DPP10: variants seen among roughly 807,000 people sequenced by gnomAD.
DPP10 encodes the protein dipeptidyl peptidase like 10.
DPP10 carries 33 observed loss-of-function variants against 120.9 expected under a neutral mutation model. The observed-to-expected ratio is 0.27, with a 90% CI of 0.21 to 0.37. The LOEUF (loss-of-function observed/expected upper bound fraction) is 0.37, where lower values mean the gene tolerates loss of function less well. Among genes scored for constraint, DPP10 ranks in the 10% least tolerant of loss-of-function variants. DPP10 has a pLI of 1.00. For missense variants in DPP10, 816 were observed against 942.8 expected (o/e 0.87, Z 1.76); for synonymous variants, 337 against 326.1 (o/e 1.03, Z -0.36).
chr2:115,507,687 A>G (rs969321515), intron 4 of DPP10, among the ~76,000 whole-genome samples: 7 of 152,140 alleles, frequency 4.6e-5, no homozygotes, highest in Non-Finnish European at 8.8e-5. Context: ...TTGTAGGTCA[A>G]GGTTTTATTT....
At chr2:115,699,461 A>T (rs893413330) in intron 7 of DPP10, among the ~76,000 whole-genome samples, 1 of 152,042 alleles carries the variant, frequency 6.6e-6, no homozygotes, top group African/African-American at 2.4e-5. Context: ...GATTAGCTGG[A>T]TGTGTTGGCA....
chr2:114,534,619 T>C (rs959814890), intron 1 of DPP10, among the ~76,000 whole-genome samples: 1 of 152,218 alleles, frequency 6.6e-6, no homozygotes, highest in African/African-American at 2.4e-5. Context: ...TATTTTTACA[T>C]AGTTACTTAT....
chr2:114,521,415 G>T (rs1291098757), intron 1 of DPP10, among the ~76,000 whole-genome samples: 1 of 151,974 alleles, frequency 6.6e-6, no homozygotes, highest in African/African-American at 2.4e-5. Flanking sequence ...TAGCATCCAT[G>T]AGCATAGAAG....
chr2:115,586,218 A>G lies in DPP10; in HGVS notation c.441+60246A>G, dbSNP rs549697482. Among the ~76,000 whole-genome samples the G allele has an allele frequency of 1.2e-3, 186 of 152,186 alleles. 1 individual carries two copies. The highest frequency in any genetic ancestry group is 8.1e-3 in the South Asian group (39 of 4,828). ...TTGCATGCCTGTAATCCCAACTACTAGGAGGGGCTGAGGCAGGAGAATTGT... is the reference window on the plus strand; with the variant it reads ...TTGCATGCCTGTAATCCCAACTACTGGGAGGGGCTGAGGCAGGAGAATTGT... On this transcript the variant is annotated intron_variant, in intron 5 of 25. Coordinates refer to ENST00000410059, the MANE Select transcript of DPP10 (RefSeq NM_020868.6).
At chr2:114,785,162 G>A (rs1004025510) in intron 1 of DPP10, among the ~76,000 whole-genome samples, 3 of 152,044 alleles carry the variant, frequency 2.0e-5, no homozygotes, top group African/African-American at 7.2e-5. Context: ...TTCTATTTTT[G>A]AGAACTGTGT....
intron 1 of DPP10, among the ~76,000 whole-genome samples, chr2:114,693,966 G>A (rs549620152): frequency 1.5e-4 from 23 of 151,950 alleles, no homozygotes; most frequent in Admixed American, 9.2e-4. Context: ...GTGTGTGTAC[G>A]ATGAACCCAA....
At chr2:114,700,882 C>T (rs1259100512) in intron 1 of DPP10, among the ~76,000 whole-genome samples, 2 of 152,072 alleles carry the variant, frequency 1.3e-5, no homozygotes, top group African/African-American at 4.8e-5. Context: ...TGTGCCTTTC[C>T]TATTCGTCTT....
intron 1 of DPP10, among the ~76,000 whole-genome samples, chr2:114,522,601 G>T (rs730259): frequency 2.6e-5 from 4 of 151,990 alleles, no homozygotes; most frequent in African/African-American, 9.7e-5. Flanking sequence ...ATCAGCAACT[G>T]GGGGAAGCAG....
chr2:115,612,750 A>G (rs1223267537), intron 5 of DPP10, among the ~76,000 whole-genome samples: 6 of 152,168 alleles, frequency 3.9e-5, no homozygotes, highest in Non-Finnish European at 7.4e-5. Flanking sequence ...GCTCTCATAA[A>G]GCTGTATTAA....
chr2:114,616,157 C>T (rs891221470), intron 1 of DPP10, among the ~76,000 whole-genome samples: 2 of 152,182 alleles, frequency 1.3e-5, no homozygotes, highest in Non-Finnish European at 2.9e-5. Flanking sequence ...ACTGGATTAT[C>T]GCTTGTAACT....
intron 1 of DPP10, among the ~76,000 whole-genome samples, chr2:114,999,782 C>T (rs563937380): frequency 6.4e-4 from 97 of 152,204 alleles, no homozygotes; most frequent in African/African-American, 2.2e-3. Context: ...TTCTACCACC[C>T]CAGAAGATGC....
intron 1 of DPP10, among the ~76,000 whole-genome samples, chr2:115,237,451 C>CTTTGAAA (rs1278945449): frequency 2.0e-5 from 3 of 152,094 alleles, no homozygotes; most frequent in Non-Finnish European, 4.4e-5. Context: ...TACACAGCAA[C>CTTTGAAA]TTTGAAATTA....
At chr2:115,279,606 C>CT (rs1192480595) in intron 1 of DPP10, among the ~76,000 whole-genome samples, 1 of 106,090 alleles carries the variant, frequency 9.4e-6, no homozygotes, top group African/African-American at 3.5e-5. Flanking sequence ...TAGCATTTTT[C>CT]TTTTTTTTCT....
At chr2:114,972,917 A>T (rs530685145) in intron 1 of DPP10, among the ~76,000 whole-genome samples, 1 of 152,362 alleles carries the variant, frequency 6.6e-6, no homozygotes, top group South Asian at 2.1e-4. Context: ...CTAATCACAC[A>T]ACCAAAAATA....
At chr2:114,500,983 G>A (rs1683115825) in intron 1 of DPP10, among the ~76,000 whole-genome samples, 1 of 152,214 alleles carries the variant, frequency 6.6e-6, no homozygotes, top group Non-Finnish European at 1.5e-5. Context: ...TCATACCTAT[G>A]ACTGAGAGGA....
intron 1 of DPP10, among the ~76,000 whole-genome samples, chr2:115,157,594 G>A (rs1298704460): frequency 1.3e-5 from 2 of 152,154 alleles, no homozygotes; most frequent in African/African-American, 4.8e-5. Context: ...CTTCTAAAAT[G>A]TAGCTTGTTT....
At chr2:115,367,528 C>CT (rs934291087) in intron 3 of DPP10, among the ~76,000 whole-genome samples, 1 of 151,874 alleles carries the variant, frequency 6.6e-6, no homozygotes, top group Admixed American at 6.6e-5. Context: ...TGACTTTTTA[C>CT]TTTTTTACGT....
At chr2:115,279,231 A>G (rs920487796) in intron 1 of DPP10, among the ~76,000 whole-genome samples, 1 of 152,198 alleles carries the variant, frequency 6.6e-6, no homozygotes, top group Non-Finnish European at 1.5e-5. Context: ...GCAGTCTCTC[A>G]TGTATGAATT....
At chr2:114,712,595 C>T (rs546747165) in intron 1 of DPP10, among the ~76,000 whole-genome samples, 1 of 152,232 alleles carries the variant, frequency 6.6e-6, no homozygotes, top group South Asian at 2.1e-4. Flanking sequence ...ACTTCATCTT[C>T]TTTCAAAAAG....
Sources: allele counts gnomAD v4.1 joint callset (sites outside exome capture counted in the v4.1 genomes callset), GRCh38; gene constraint gnomAD v4.1.1; transcripts MANE v1.5; gene names NCBI Gene and HGNC (gene_info 2026-07-23, HGNC 2026-07-21).